CRPPA: variants seen among roughly 807,000 people sequenced by gnomAD.
CRPPA encodes the protein D-ribitol-5-phosphate cytidylyltransferase.
CRPPA carries 43 observed loss-of-function variants against 52.0 expected under a neutral mutation model. That is an observed-to-expected ratio of 0.83 (90% CI 0.65 to 1.07). The LOEUF (loss-of-function observed/expected upper bound fraction) is 1.07, where lower values mean the gene tolerates loss of function less well. Ranked by LOEUF, CRPPA falls within the 50% of genes least tolerant of loss-of-function variation. The probability of loss-of-function intolerance (pLI) is 0.00; values close to 1 mark genes in which losing one functional copy is unlikely to be tolerated. For missense variants in CRPPA, 629 were observed against 551.7 expected (o/e 1.14, Z -1.40); for synonymous variants, 250 against 203.5 (o/e 1.23, Z -1.94).
intron 9 of CRPPA, among the ~76,000 whole-genome samples, chr7:16,154,705 T>G (rs553776219): frequency 6.6e-6 from 1 of 152,182 alleles, no homozygotes; most frequent in African/African-American, 2.4e-5. Flanking sequence ...CATGAGTCTT[T>G]CCAATAGTTA....
At chr7:16,335,270 T>C (rs1258493000) in intron 3 of CRPPA, among the ~76,000 whole-genome samples, 2 of 151,808 alleles carry the variant, frequency 1.3e-5, no homozygotes, top group Non-Finnish European at 2.9e-5. Flanking sequence ...TAACTGTAAC[T>C]TGACCGTGGG....
chr7:16,311,918 C>G (rs868460493), intron 3 of CRPPA, among the ~76,000 whole-genome samples: 2 of 152,088 alleles, frequency 1.3e-5, no homozygotes, highest in South Asian at 4.1e-4. Context: ...CTGCCAAAGA[C>G]CAATTGATTA....
At chr7:16,240,652 C>A (rs764319199) in intron 8 of CRPPA, among the ~76,000 whole-genome samples, 1 of 151,660 alleles carries the variant, frequency 6.6e-6, no homozygotes, top group Non-Finnish European at 1.5e-5. Context: ...GGACCTGAAA[C>A]AGATAATAAA....
chr7:16,201,508 C>T (rs1258244820), intron 9 of CRPPA, among the ~76,000 whole-genome samples: 4 of 152,202 alleles, frequency 2.6e-5, no homozygotes, highest in Non-Finnish European at 5.9e-5. Context: ...CTCAGCCTCA[C>T]AGATGGCTAC....
chr7:16,328,329 C>A (rs1468314233), intron 3 of CRPPA, among the ~76,000 whole-genome samples: 3 of 152,162 alleles, frequency 2.0e-5, no homozygotes, highest in African/African-American at 7.2e-5. Flanking sequence ...ACTAAGCACA[C>A]AATCTAAGTA....
At chr7:16,415,564 C>A (rs1416291990) in intron 1 of CRPPA, among the ~76,000 whole-genome samples, 2 of 152,108 alleles carry the variant, frequency 1.3e-5, no homozygotes, top group African/African-American at 4.8e-5. Flanking sequence ...ATACCCTGTG[C>A]CTCTGATGTC....
intron 3 of CRPPA, among the ~76,000 whole-genome samples, chr7:16,362,035 T>C (rs996421355): frequency 3.9e-5 from 6 of 152,258 alleles, no homozygotes; most frequent in Middle Eastern, 3.4e-3. Context: ...TTTGTATTTT[T>C]GGTAGAGACG....
chr7:16,185,032 T>C (rs891664402), intron 9 of CRPPA, among the ~76,000 whole-genome samples: 2 of 152,178 alleles, frequency 1.3e-5, no homozygotes, highest in African/African-American at 4.8e-5. Context: ...CTAGGTACCA[T>C]AGACTATTTT....
chr7:16,359,860 G>C (rs1209627598), intron 3 of CRPPA, among the ~76,000 whole-genome samples: 1 of 152,078 alleles, frequency 6.6e-6, no homozygotes, highest in Non-Finnish European at 1.5e-5. Context: ...GAGATTTCCA[G>C]TAACCTCTCA....
chr7:16,149,627 T>C (rs551116648), intron 9 of CRPPA, among the ~76,000 whole-genome samples: 57 of 152,366 alleles, frequency 3.7e-4, no homozygotes, highest in Middle Eastern at 3.4e-3. Flanking sequence ...AGCTAAATTC[T>C]GAAGGTAACT....
intron 3 of CRPPA, among the ~76,000 whole-genome samples, chr7:16,313,740 T>C (rs925520595): frequency 1.3e-5 from 2 of 152,044 alleles, no homozygotes. Context: ...GTTCAAAATA[T>C]AGTTCTGAGA....
intron 2 of CRPPA, among the ~76,000 whole-genome samples, chr7:16,397,302 C>T (rs578224777): frequency 6.6e-6 from 1 of 152,178 alleles, no homozygotes; most frequent in Non-Finnish European, 1.5e-5. Flanking sequence ...AAGTCACTGA[C>T]ATGTAACTGA....
At chr7:16,226,783 T>G (rs1053652574) in intron 8 of CRPPA, among the ~76,000 whole-genome samples, 1 of 151,926 alleles carries the variant, frequency 6.6e-6, no homozygotes, top group Admixed American at 6.6e-5. Context: ...AATATACATA[T>G]GTATGGCCTC....
At chr7:16,200,437 CAAT>C (rs1781825303) in intron 9 of CRPPA, among the ~76,000 whole-genome samples, 2 of 152,162 alleles carry the variant, frequency 1.3e-5, no homozygotes, top group Non-Finnish European at 2.9e-5. Context: ...GTAACATCGA[CAAT>C]GATCATGTGG....
At chr7:16,240,811 G>A (rs997830209) in intron 8 of CRPPA, among the ~76,000 whole-genome samples, 2 of 152,108 alleles carry the variant, frequency 1.3e-5, no homozygotes, top group Admixed American at 1.3e-4. Flanking sequence ...AGAAAGATAT[G>A]TCTGGGATCT....
At chr7:16,140,742 T>A (rs1391183983) in intron 9 of CRPPA, among the ~76,000 whole-genome samples, 5 of 152,194 alleles carry the variant, frequency 3.3e-5, no homozygotes, top group Non-Finnish European at 7.3e-5. Context: ...TTCCCCAGCA[T>A]CTCCTGTATA....
In CRPPA at chr7:16,088,410, CTCTT is replaced by C. The variant is rs1358803648; in HGVS notation, c.*3281_*3284del. 9.2e-6 allele frequency: 1 copy of C among 108,846 alleles called. No individual in the cohort carries two copies. Among genetic ancestry groups the C allele is most frequent in the African/African-American group, 2.8e-5 (1 of 35,442 alleles). 6.7% of individuals were successfully genotyped at this position (108,846 alleles called of 1,614,324 possible). A position where few individuals can be genotyped will look rare whatever the true frequency, so the allele number is the denominator to read the frequency against. On this transcript the variant is annotated 3_prime_UTR_variant, in exon 10 of 10. Transcript: ENST00000407010. ...TAACTGTAAAGTTACCTCTGGATCT[CTCTT>C]TTTTTTTTTTTTTTTTTTTTTGAGA...
At chr7:16,106,351 G>C (rs1218363825) in intron 9 of CRPPA, among the ~76,000 whole-genome samples, 3 of 152,188 alleles carry the variant, frequency 2.0e-5, no homozygotes, top group Admixed American at 6.5e-5. Context: ...TTGGAGTCCA[G>C]CCTGCAGCCT....
intron 2 of CRPPA, among the ~76,000 whole-genome samples, chr7:16,389,339 A>C (rs563137679): frequency 4.6e-5 from 7 of 152,338 alleles, no homozygotes; most frequent in Admixed American, 1.3e-4. Context: ...ATGCAAAAAC[A>C]GATGCAAAAA....
Sources: gnomAD v4.1 joint callset for allele counts (sites outside exome capture counted in the v4.1 genomes callset) on GRCh38, gnomAD v4.1.1 for gene constraint, MANE v1.5 for transcripts, NCBI Gene and HGNC (gene_info 2026-07-23, HGNC 2026-07-21) for gene names.